VSX1: variants seen among roughly 807,000 people sequenced by gnomAD.
VSX1 encodes homeodomain protein RINX.
VSX1 carries 23 observed loss-of-function variants against 23.6 expected under a neutral mutation model. That is an observed-to-expected ratio of 0.97 (90% confidence interval 0.70 to 1.38). The LOEUF is 1.38. Among genes scored for constraint, VSX1 ranks in the 40% most tolerant of loss-of-function variants. VSX1 has a pLI of 0.00. For synonymous variants in VSX1, 247 were observed against 215.1 expected (o/e 1.15, Z -1.30); for missense variants, 517 against 495.4 (o/e 1.04, Z -0.41).
chr20:25,081,653 G>T lies in VSX1; in HGVS notation c.424+20C>A, dbSNP rs2089645321. 3 of 1,526,330 alleles carry T rather than the reference G, an allele frequency of 2.0e-6. No homozygotes were observed. Among genetic ancestry groups the T allele is most frequent in the Non-Finnish European group, 1.7e-6 (2 of 1,143,252 alleles). The allele number at this position is 1,526,330 out of a possible 1,614,324, so 94.5% of individuals were successfully genotyped here. On this transcript the variant is annotated intron_variant, in intron 1 of 4. Coordinates refer to ENST00000376709, the MANE Select transcript of VSX1 (RefSeq NM_014588.6). ...AGCCTAGGGGACAGGGGCAGGAGCGGAAAGCGCGGGCCTGATTACCGGACG... is the reference window on the plus strand; with the variant it reads ...AGCCTAGGGGACAGGGGCAGGAGCGTAAAGCGCGGGCCTGATTACCGGACG...
Position 25,079,519 on chromosome 20 carries a change from T to C in VSX1, c.425-5A>G, listed in dbSNP as rs1484761789. 3.7e-6 allele frequency: 6 copies of C among 1,609,560 alleles called. No individual in the cohort carries two copies. The highest frequency in any genetic ancestry group is 5.1e-6 in the Non-Finnish European group (6 of 1,177,630). On this transcript the variant is annotated splice_polypyrimidine_tract_variant and splice_region_variant and intron_variant, in intron 1 of 4. Transcript: ENST00000376709. The stretch of plus-strand genomic sequence containing the variant: ...CTTCAGACTGGCTGTCCTCATCTGA[T>C]GGCACAGAAAGAAGAAGAGGACTTT...
rs2089666726 is a variant in VSX1, at chr20:25,082,141, C to A, written c.-45G>T. Reference sequence around the variant, plus strand: ...CGCGAGCCTCTCTGGATCCCGTTTGCGGAGGGCCCAGCTTAGAGGAAGCTT... The same window carrying A: ...CGCGAGCCTCTCTGGATCCCGTTTGAGGAGGGCCCAGCTTAGAGGAAGCTT... On this transcript the variant is annotated 5_prime_UTR_variant, in exon 1 of 5. Coordinates refer to ENST00000376709, the MANE Select transcript of VSX1 (RefSeq NM_014588.6). The A allele has an allele frequency of 6.5e-7, 1 of 1,535,470 alleles. No homozygotes were observed. Among genetic ancestry groups the A allele is most frequent in the African/African-American group, 1.4e-5 (1 of 73,264 alleles).
chr20:25,072,776 A>G (rs943437438), downstream of VSX1: 10 of 432,516 alleles, frequency 2.3e-5, no homozygotes, highest in Admixed American at 2.0e-4. Flanking sequence ...TTCTTCTATC[A>G]TTTCTGAAAA....
Position 25,081,796 on chromosome 20 carries a change from G to A in VSX1, c.301C>T (p.Leu101=). 5 of 1,505,924 alleles carry A rather than the reference G, an allele frequency of 3.3e-6. 1 individual carries two copies. The South Asian group carries it at 6.2e-5, about 19-fold the overall frequency. 93.3% of individuals were successfully genotyped at this position (1,505,924 alleles called of 1,614,324 possible). The change falls in exon 1 of 5, where the codon CTG becomes TTG. Residue 101 remains leucine, a synonymous_variant. Transcript: ENST00000376709. Reference sequence around the variant, plus strand: ...AGGAACGGCACGTCCGCTAGGAGCAGGCAGGGTGCTCGAGCGGCCGCCGGC... The same window carrying A: ...AGGAACGGCACGTCCGCTAGGAGCAAGCAGGGTGCTCGAGCGGCCGCCGGC... ...QPPAAARAPC[L]LLADVPFLPP...
At chr20:25,078,024 C>T (rs2089547820) in intron 3 of VSX1, 159 bp from the exon 4 acceptor site, 1 of 1,016,444 alleles carries the variant, frequency 9.8e-7, no homozygotes, top group Admixed American at 2.3e-5. Context: ...ACCAGCCGCC[C>T]TCAGGGAGAG....
downstream of VSX1, chr20:25,071,998 C>T (rs1311044349): frequency 3.2e-6 from 2 of 624,198 alleles, no homozygotes; most frequent in African/African-American, 1.9e-5. Flanking sequence ...GAACGGGAGC[C>T]TCCAGGAGCA....
chr20:25,078,648 G>T, intron 3 of VSX1, 181 bp downstream of exon 3: 10 of 1,509,734 alleles, frequency 6.6e-6, no homozygotes, highest in African/African-American at 1.4e-5. Flanking sequence ...ATAATAAAAT[G>T]AAAAAAGGCA....
chr20:25,081,722 C>A lies in VSX1; in HGVS notation c.375G>T (p.Pro125=). 3 of 1,500,260 alleles carry A rather than the reference C, an allele frequency of 2.0e-6. No homozygotes were observed. The highest frequency in any genetic ancestry group is 2.6e-6 in the Non-Finnish European group (3 of 1,133,004). The allele number at this position is 1,500,260 out of a possible 1,614,324, so 92.9% of individuals were successfully genotyped here. Residue 125 remains proline (P), a synonymous_variant, in exon 1 of 5, where the codon CCG becomes CCT. Transcript: ENST00000376709. ...EPAAPLAPSR[P]PPALGRQKRS... ...GCTTCTGGCGGCCGAGCGCAGGCGGCGGACGGCTGGGAGCCAGCGGGGCAG... is the reference window on the plus strand; with the variant it reads ...GCTTCTGGCGGCCGAGCGCAGGCGGAGGACGGCTGGGAGCCAGCGGGGCAG...
In VSX1 at chr20:25,082,043, C is replaced by A; in HGVS notation, c.54G>T (p.Val18=). Residue 18 remains valine, a synonymous_variant, in exon 1 of 5, where the codon GTG becomes GTT. Transcript: ENST00000376709. ...SDGRTSSRAL[V]PGGSPRGSRP... ...GCGAGCCCCTAGGGGAACCGCCAGG[C>A]ACCAGCGCCCTGCTGCTAGTGCGCC... 6.5e-7 allele frequency: 1 copy of A among 1,537,870 alleles called. No homozygotes were observed. The highest frequency in any genetic ancestry group is 8.7e-7 in the Non-Finnish European group (1 of 1,148,192).
rs375950122 is a variant in VSX1, at chr20:25,079,587, G to A, written c.425-73C>T. 212 of 1,502,154 alleles carry A rather than the reference G, an allele frequency of 1.4e-4. No individual in the cohort carries two copies. The East Asian group carries it at 3.9e-3, about 28-fold the overall frequency. 93.1% of individuals were successfully genotyped at this position (1,502,154 alleles called of 1,614,324 possible). A position where few individuals can be genotyped will look rare whatever the true frequency, so the allele number is the denominator to read the frequency against. On this transcript the variant is annotated intron_variant, in intron 1 of 4. Coordinates refer to ENST00000376709, the MANE Select transcript of VSX1 (RefSeq NM_014588.6). ...CTCTATTTCCTGGATTTTAATGTGA[G>A]GATTGAAGTTATGAACCTCTTGGGT... is the stretch of plus-strand genomic sequence containing the variant.
chr20:25,077,533 T>G (rs2089526262), intron 4 of VSX1, 152 bp downstream of exon 4: 2 of 934,462 alleles, frequency 2.1e-6, no homozygotes, highest in Non-Finnish European at 3.2e-6. Context: ...AGCTTTGTTA[T>G]TAATTAAAAA....
At chr20:25,077,566 G>T in intron 4 of VSX1, 119 bp downstream of exon 4, 1 of 1,241,132 alleles carries the variant, frequency 8.1e-7, no homozygotes, top group Non-Finnish European at 1.1e-6. Flanking sequence ...TTCTGGACCT[G>T]AATCTCAGTA....
At chr20:25,077,919 C>T in intron 3 of VSX1, 54 bp from the exon 4 acceptor site, 1 of 1,543,178 alleles carries the variant, frequency 6.5e-7, no homozygotes, top group Non-Finnish European at 8.8e-7. Flanking sequence ...TGAAGAGGGG[C>T]GCCTGGAGGA....
intron 1 of VSX1, among the ~76,000 whole-genome samples, chr20:25,081,238 A>G (rs2089633900): frequency 6.6e-6 from 1 of 152,084 alleles, no homozygotes; most frequent in South Asian, 2.1e-4. Context: ...CAATCATTCG[A>G]TCATTTCCGC....
At chr20:25,079,006 C>T in intron 2 of VSX1, 54 bp from the exon 3 acceptor site, 5 of 1,610,372 alleles carry the variant, frequency 3.1e-6, no homozygotes, top group Admixed American at 3.3e-5. Flanking sequence ...GGACAGCAGC[C>T]TCCCTGGCCT....
downstream of VSX1, among the ~76,000 whole-genome samples, chr20:25,074,178 C>T (rs2089439810): frequency 6.6e-6 from 1 of 152,176 alleles, no homozygotes; most frequent in South Asian, 2.1e-4. Context: ...TTACTCATGT[C>T]ATCTCATTTA....
Position 25,076,277 on chromosome 20 carries a change from T to G in VSX1, c.1082A>C (p.Lys361Thr). ...STALEGPQPG[K>T]VGAT ...CTGTGGGTCTCATGTGGCTCCCACC[T>G]TCCCTGGCTGGGGCCCCTCCAGTGC... Residue 361 changes from lysine (K) to threonine (T), a missense_variant, in exon 5 of 5, where the codon AAG becomes ACG. Transcript: ENST00000376709. 6.2e-7 allele frequency: 1 copy of G among 1,614,198 alleles called. No individual in the cohort carries two copies.
At chr20:25,075,437 G>A (rs936908841), downstream of VSX1, 1 of 152,194 alleles carries the variant, frequency 6.6e-6, no homozygotes, top group Non-Finnish European at 1.5e-5. Flanking sequence ...ATGTACAAGT[G>A]TGTAATAGAG....
chr20:25,078,606 T>C, intron 3 of VSX1: 1 of 1,447,446 alleles, frequency 6.9e-7, no homozygotes, highest in Non-Finnish European at 9.1e-7. Flanking sequence ...CACATTATCA[T>C]GTGATTTTAA....
Sources: allele counts gnomAD v4.1 joint callset (sites outside exome capture counted in the v4.1 genomes callset), GRCh38; gene constraint gnomAD v4.1.1; transcripts MANE v1.5; gene names NCBI Gene and HGNC (gene_info 2026-07-23, HGNC 2026-07-21).